Variants in AGBL1 observed in about 807,000 individuals in gnomAD.
AGBL1 encodes AGBL carboxypeptidase 1.
AGBL1 carries 130 observed loss-of-function variants against 118.9 expected under a neutral mutation model. The ratio of observed to expected loss-of-function variants is 1.09; its 90% CI spans 0.95 to 1.26. The LOEUF (loss-of-function observed/expected upper bound fraction) is 1.26, where lower values mean the gene tolerates loss of function less well. Among genes scored for constraint, AGBL1 ranks in the 50% most tolerant of loss-of-function variants. The probability of loss-of-function intolerance (pLI) is 0.00; values close to 1 mark genes in which losing one functional copy is unlikely to be tolerated. For missense variants in AGBL1, 1,584 were observed against 1,298.1 expected (o/e 1.22, Z -3.38); for synonymous variants, 555 against 478.9 (o/e 1.16, Z -2.08).
intron 22 of AGBL1, among the ~76,000 whole-genome samples, chr15:86,845,491 C>T (rs1308755883): frequency 1.3e-5 from 2 of 151,848 alleles, no homozygotes; most frequent in Admixed American, 1.3e-4. Context: ...AATGCTTTGC[C>T]CAATTTGGTT....
intron 17 of AGBL1, among the ~76,000 whole-genome samples, chr15:86,316,487 C>G (rs368685967): frequency 1.2e-4 from 18 of 152,290 alleles, no homozygotes; most frequent in African/African-American, 3.8e-4. Flanking sequence ...CATGCCTGCT[C>G]TACCCCTCGG....
intron 6 of AGBL1, among the ~76,000 whole-genome samples, chr15:86,239,680 C>T (rs2078610955): frequency 6.6e-6 from 1 of 152,156 alleles, no homozygotes; most frequent in African/African-American, 2.4e-5. Flanking sequence ...TACGAAAAAC[C>T]AACTCTTACC....
chr15:86,445,461 C>T (rs527321432), intron 18 of AGBL1, among the ~76,000 whole-genome samples: 17 of 152,302 alleles, frequency 1.1e-4, no homozygotes, highest in African/African-American at 4.1e-4. Context: ...AACTCTCTTC[C>T]CTATGGGGAC....
intron 22 of AGBL1, among the ~76,000 whole-genome samples, chr15:86,693,216 A>C (rs1319640726): frequency 1.3e-5 from 2 of 152,100 alleles, no homozygotes; most frequent in African/African-American, 4.8e-5. Context: ...ACTAGTTTAT[A>C]TTCCCATCAG....
chr15:86,316,937 G>T (rs543279627), intron 17 of AGBL1: 1 of 152,386 alleles, frequency 6.6e-6, no homozygotes, highest in Non-Finnish European at 1.5e-5. Context: ...CAGTGCTCTT[G>T]TGTAGGATGA....
intron 24 of AGBL1, among the ~76,000 whole-genome samples, chr15:87,022,827 T>TATCA (rs1458003725): frequency 1.3e-5 from 2 of 152,050 alleles, no homozygotes; most frequent in Non-Finnish European, 1.5e-5. Flanking sequence ...ACAAAACAAC[T>TATCA]ATCAGCCAAG....
chr15:86,452,901 C>T (rs1376213492), intron 18 of AGBL1, among the ~76,000 whole-genome samples: 1 of 152,094 alleles, frequency 6.6e-6, no homozygotes, highest in Non-Finnish European at 1.5e-5. Context: ...TTGCTCTTTC[C>T]CCTGGTATGT....
At chr15:86,253,614 A>T (rs1213760903) in intron 7 of AGBL1, among the ~76,000 whole-genome samples, 1 of 152,194 alleles carries the variant, frequency 6.6e-6, no homozygotes, top group East Asian at 1.9e-4. Flanking sequence ...GGAGGGCCAG[A>T]TCACATAGAA....
intron 1 of AGBL1, among the ~76,000 whole-genome samples, chr15:86,111,794 G>T (rs573405890): frequency 6.6e-6 from 1 of 152,292 alleles, no homozygotes; most frequent in South Asian, 2.1e-4. Context: ...GACCATGTTA[G>T]GAACCAGGCC....
chr15:86,332,738 C>G (rs1218063462), intron 17 of AGBL1, among the ~76,000 whole-genome samples: 4 of 151,748 alleles, frequency 2.6e-5, no homozygotes, highest in Non-Finnish European at 5.9e-5. Flanking sequence ...CACCCATCAA[C>G]TGCAGAATAT....
At chr15:86,251,985 A>G (rs1365922418) in intron 7 of AGBL1, among the ~76,000 whole-genome samples, 1 of 152,146 alleles carries the variant, frequency 6.6e-6, no homozygotes, top group African/African-American at 2.4e-5. Context: ...GGTTGCTAAA[A>G]TTGGTGGTTT....
chr15:86,177,364 C>G (rs962097465), intron 5 of AGBL1, among the ~76,000 whole-genome samples: 1 of 151,902 alleles, frequency 6.6e-6, no homozygotes, highest in African/African-American at 2.4e-5. Flanking sequence ...TTTTAATAAC[C>G]CTTTCTGAAT....
At chr15:86,906,116 A>T (rs112539737) in intron 22 of AGBL1, among the ~76,000 whole-genome samples, 3,330 of 152,330 alleles carry the variant, frequency 0.022, 75 homozygotes, top group Admixed American at 0.063. Flanking sequence ...AGGCAGGTGG[A>T]TGAACAGCTC....
chr15:86,564,129 T>C (rs4255757), intron 21 of AGBL1, among the ~76,000 whole-genome samples: 93,587 of 151,964 alleles, frequency 0.62, 29,164 homozygotes, highest in East Asian at 0.89. Flanking sequence ...AGCCCATTTA[T>C]ATTTAAGGTT....
chr15:86,591,612 G>A (rs1280510968), intron 21 of AGBL1, among the ~76,000 whole-genome samples: 1 of 152,160 alleles, frequency 6.6e-6, no homozygotes, highest in Non-Finnish European at 1.5e-5. Flanking sequence ...GATGCATAGG[G>A]TGAAGTATGG....
chr15:86,588,689 G>A (rs1431326328), intron 21 of AGBL1, among the ~76,000 whole-genome samples: 6 of 152,078 alleles, frequency 3.9e-5, no homozygotes, highest in Non-Finnish European at 8.8e-5. Flanking sequence ...GTTTGACTCC[G>A]GAATCTTCTG....
intron 5 of AGBL1, among the ~76,000 whole-genome samples, chr15:86,201,612 G>A (rs966980814): frequency 6.6e-6 from 1 of 152,162 alleles, no homozygotes; most frequent in African/African-American, 2.4e-5. Context: ...AAGAGATTAG[G>A]TGATAGCAGC....
intron 17 of AGBL1, among the ~76,000 whole-genome samples, chr15:86,332,335 A>G (rs1356491366): frequency 6.6e-6 from 1 of 152,130 alleles, no homozygotes; most frequent in Non-Finnish European, 1.5e-5. Flanking sequence ...ACAGTGTTAG[A>G]TCATTGATGC....
intron 21 of AGBL1, among the ~76,000 whole-genome samples, chr15:86,670,537 G>T (rs1049244196): frequency 2.6e-5 from 4 of 151,140 alleles, no homozygotes; most frequent in African/African-American, 9.7e-5. Context: ...CCAGGAGGCA[G>T]AGGTTGCAGT....
Sources: gnomAD v4.1 joint callset for allele counts (sites outside exome capture counted in the v4.1 genomes callset) on GRCh38, gnomAD v4.1.1 for gene constraint, MANE v1.5 for transcripts, NCBI Gene and HGNC (gene_info 2026-07-23, HGNC 2026-07-21) for gene names.